The following SPECC1 variants were observed in gnomAD, a reference collection of about 807,000 sequenced individuals.
SPECC1 encodes cytospin-B.
A neutral mutation model predicts 104.1 loss-of-function variants in SPECC1; 62 were observed. The ratio of observed to expected loss-of-function variants is 0.60; its 90% CI spans 0.49 to 0.74. SPECC1 has a LOEUF of 0.74. Among genes scored for constraint, SPECC1 ranks in the 30% least tolerant of loss-of-function variants. SPECC1 has a pLI of 0.00. For synonymous variants in SPECC1, 513 were observed against 501.6 expected (o/e 1.02, Z -0.30); for missense variants, 1,306 against 1,310.5 (o/e 1.00, Z 0.05).
chr17:20,142,370 G>A lies in SPECC1; in HGVS notation c.283+31808G>A, dbSNP rs565916338. On this transcript the variant is annotated intron_variant, in intron 3 of 14. Coordinates refer to ENST00000395527, the MANE Select transcript of SPECC1 (RefSeq NM_001243439.2). ...AACTTGAAAAGATATTTGTGCGCCC[G>A]TGTTCTTAGCAGCATTGTTTGCAAT... is the stretch of plus-strand genomic sequence containing the variant. Among the ~76,000 whole-genome samples, 15 of 152,278 alleles carry A rather than the reference G, an allele frequency of 9.9e-5. 1 individual carries two copies. Among genetic ancestry groups the A allele is most frequent in the Admixed American group, 7.8e-4 (12 of 15,304 alleles).
intron 3 of SPECC1, among the ~76,000 whole-genome samples, chr17:20,121,319 A>C (rs2049018195): frequency 1.3e-5 from 2 of 151,942 alleles, no homozygotes; most frequent in South Asian, 4.2e-4. Context: ...TTATTTCATT[A>C]ATATTATTCA....
intron 1 of SPECC1, among the ~76,000 whole-genome samples, chr17:20,026,057 G>A (rs9890105): frequency 0.056 from 8,529 of 151,146 alleles, 665 homozygotes; most frequent in African/African-American, 0.18. Context: ...TTTTGAATTG[G>A]GTTGTTTTGT....
intron 13 of SPECC1, among the ~76,000 whole-genome samples, chr17:20,297,469 T>C (rs2041392919): frequency 6.6e-6 from 1 of 152,254 alleles, no homozygotes; most frequent in Admixed American, 6.5e-5. Context: ...GAAATCTATG[T>C]GACTGTTTAA....
chr17:20,153,977 G>A (rs2032236960), intron 3 of SPECC1, among the ~76,000 whole-genome samples: 1 of 152,204 alleles, frequency 6.6e-6, no homozygotes, highest in South Asian at 2.1e-4. Flanking sequence ...TACATGCTCA[G>A]TATTGTGCTG....
intron 3 of SPECC1, among the ~76,000 whole-genome samples, chr17:20,166,525 A>C (rs1168107933): frequency 6.6e-6 from 1 of 152,200 alleles, no homozygotes; most frequent in Non-Finnish European, 1.5e-5. Context: ...TAGAAAAATA[A>C]TTATGAAATA....
chr17:20,266,683 G>A (rs2040230113), intron 12 of SPECC1, among the ~76,000 whole-genome samples: 2 of 152,230 alleles, frequency 1.3e-5, no homozygotes, highest in South Asian at 4.1e-4. Context: ...ATGGGGTCTG[G>A]CAGTTAACTG....
intron 3 of SPECC1, among the ~76,000 whole-genome samples, chr17:20,178,031 T>C (rs1009632997): frequency 3.3e-5 from 5 of 151,984 alleles, no homozygotes; most frequent in African/African-American, 1.2e-4. Context: ...ATTTATTTAT[T>C]TTTGAGGCAG....
intron 3 of SPECC1, among the ~76,000 whole-genome samples, chr17:20,115,126 TA>T (rs1294116863): frequency 6.6e-6 from 1 of 151,996 alleles, no homozygotes; most frequent in Non-Finnish European, 1.5e-5. Context: ...ATAAATGATG[TA>T]AAGTGTGGAA....
intron 3 of SPECC1, among the ~76,000 whole-genome samples, chr17:20,168,914 C>T (rs2033873406): frequency 1.3e-5 from 2 of 152,128 alleles, no homozygotes; most frequent in Admixed American, 6.5e-5. Flanking sequence ...GCTCTGTCAT[C>T]CAGGCTGGAG....
intron 1 of SPECC1, among the ~76,000 whole-genome samples, chr17:20,033,521 C>T (rs1448421674): frequency 6.6e-6 from 1 of 152,144 alleles, no homozygotes; most frequent in Non-Finnish European, 1.5e-5. Flanking sequence ...AGCATGGCAT[C>T]ACTATCTGCT....
intron 3 of SPECC1, among the ~76,000 whole-genome samples, chr17:20,146,151 C>T (rs1162553973): frequency 6.6e-6 from 1 of 152,128 alleles, no homozygotes; most frequent in African/African-American, 2.4e-5. Flanking sequence ...CACGTATCCA[C>T]CATTACAGAG....
chr17:20,016,810 G>T (rs761287726), intron 1 of SPECC1, among the ~76,000 whole-genome samples: 3 of 152,268 alleles, frequency 2.0e-5, no homozygotes, highest in Non-Finnish European at 4.4e-5. Context: ...AGGAGTGCGG[G>T]CGCAGGGCGC....
intron 3 of SPECC1, among the ~76,000 whole-genome samples, chr17:20,145,448 C>T (rs1048745406): frequency 6.6e-6 from 1 of 152,140 alleles, no homozygotes; most frequent in Non-Finnish European, 1.5e-5. Flanking sequence ...TCTTTTTGGT[C>T]GACCACCCTG....
At chr17:20,270,711 T>G (rs2040380517) in intron 12 of SPECC1, among the ~76,000 whole-genome samples, 1 of 152,076 alleles carries the variant, frequency 6.6e-6, no homozygotes, top group African/African-American at 2.4e-5. Context: ...TAGTGCCAAA[T>G]TTTTGTAAAG....
intron 12 of SPECC1, among the ~76,000 whole-genome samples, chr17:20,272,306 A>G (rs1330555873): frequency 1.3e-5 from 2 of 150,132 alleles, no homozygotes; most frequent in Non-Finnish European, 3.0e-5. Flanking sequence ...CCTAACTTTA[A>G]TCTTCCAAAT....
intron 4 of SPECC1, among the ~76,000 whole-genome samples, chr17:20,209,906 T>C (rs191923185): frequency 9.6e-4 from 146 of 152,364 alleles, no homozygotes; most frequent in Admixed American, 1.2e-3. Context: ...ATCTATTTAT[T>C]CCCGTGAGGT....
intron 2 of SPECC1, among the ~76,000 whole-genome samples, chr17:20,097,355 C>A (rs891312891): frequency 3.3e-5 from 5 of 152,172 alleles, no homozygotes; most frequent in African/African-American, 4.8e-5. Flanking sequence ...AAGCCTAGTG[C>A]CTCCTTAGCT....
intron 13 of SPECC1, among the ~76,000 whole-genome samples, chr17:20,299,120 C>T (rs2041475312): frequency 6.6e-6 from 1 of 151,796 alleles, no homozygotes; most frequent in Admixed American, 6.6e-5. Flanking sequence ...TACTACAGTC[C>T]CAATGTGAAG....
rs1598077826 is a variant in SPECC1 at position 20,246,146 on chromosome 17, C to T, written c.2497+75C>T. 23 of 1,546,786 alleles carry T rather than the reference C, an allele frequency of 1.5e-5. No individual in the cohort carries two copies. In the South Asian group the frequency reaches 2.2e-4, roughly 15 times the overall value. ...CCGACATTTGATATGTCTACTATCT[C>T]TACTCCACCCTGGCCCTGTGTTGTT... On this transcript the variant is annotated intron_variant, in intron 8 of 14. Coordinates refer to ENST00000395527, the MANE Select transcript of SPECC1 (RefSeq NM_001243439.2).
Sources: gnomAD v4.1 joint callset for allele counts (sites outside exome capture counted in the v4.1 genomes callset) on GRCh38, gnomAD v4.1.1 for gene constraint, MANE v1.5 for transcripts, NCBI Gene and HGNC (gene_info 2026-07-23, HGNC 2026-07-21) for gene names.